NPDC1: variants seen among roughly 807,000 people sequenced by gnomAD.
NPDC1 encodes the protein neural proliferation differentiation and control protein 1.
Under a neutral mutation model 32.5 loss-of-function variants are expected in NPDC1, and 18 were observed. The ratio of observed to expected loss-of-function variants is 0.55; its 90% CI spans 0.38 to 0.82. The LOEUF is 0.82. Among genes scored for constraint, NPDC1 ranks in the 40% least tolerant of loss-of-function variants. NPDC1 has a pLI of 0.00. For missense variants in NPDC1, 468 were observed against 406.6 expected (o/e 1.15, Z -1.30); for synonymous variants, 210 against 184.7 (o/e 1.14, Z -1.11).
At chr9:137,043,308 C>G (rs983599905) in intron 1 of NPDC1, 1 of 718,700 alleles carries the variant, frequency 1.4e-6, no homozygotes, top group Admixed American at 2.0e-5. Flanking sequence ...GGGTCCACTT[C>G]CAGGCCTGAT....
At chr9:137,041,406 G>A (rs1019749362) in intron 2 of NPDC1, among the ~76,000 whole-genome samples, 32 of 152,184 alleles carry the variant, frequency 2.1e-4, no homozygotes, top group African/African-American at 7.2e-4. Context: ...GGAGGCGCTA[G>A]GGAAACGTCC....
chr9:137,046,149 C>T lies in NPDC1; in HGVS notation c.-160G>A. 1 of 1,096,774 alleles carries T rather than the reference C, an allele frequency of 9.1e-7. No individual in the cohort carries two copies. Among genetic ancestry groups the T allele is most frequent in the African/African-American group, 1.7e-5 (1 of 59,776 alleles). 67.9% of individuals were successfully genotyped at this position (1,096,774 alleles called of 1,614,324 possible). A position where few individuals can be genotyped will look rare whatever the true frequency, so the allele number is the denominator to read the frequency against. The stretch of plus-strand genomic sequence containing the variant: ...GGAGGAGGAAGAGGAAAGGCACGGG[C>T]GGCGGCGCTGACGCTGCAGCAAGGA... On this transcript the variant is annotated 5_prime_UTR_variant, in exon 1 of 9. Transcript: ENST00000371601.
chr9:137,040,769 T>G, intron 4 of NPDC1, 32 bp from the exon 5 acceptor site: 1 of 1,586,186 alleles, frequency 6.3e-7, no homozygotes, highest in Non-Finnish European at 8.5e-7. Flanking sequence ...GGCGGCCTTC[T>G]GCAGGGCGCC....
In NPDC1 at chr9:137,046,023, G is replaced by A. The variant is rs992680292; in HGVS notation, c.-34C>T. 8 of 1,183,998 alleles carry A rather than the reference G, an allele frequency of 6.8e-6. No individual in the cohort carries two copies. The highest frequency in any genetic ancestry group is 8.4e-6 in the Non-Finnish European group (8 of 956,938). The allele number at this position is 1,183,998 out of a possible 1,614,324, so 73.3% of individuals were successfully genotyped here. The stretch of plus-strand genomic sequence containing the variant: ...GCCGCCGCCGGGGCAGCATGGCACC[G>A]CGAGGCCAGGGGCTCGGCGCGGGCT... On this transcript the variant is annotated 5_prime_UTR_variant, in exon 1 of 9. Transcript: ENST00000371601.
At chr9:137,042,793 T>C in intron 2 of NPDC1, 134 bp downstream of exon 2, 1 of 1,071,460 alleles carries the variant, frequency 9.3e-7, no homozygotes, top group Non-Finnish European at 1.3e-6. Flanking sequence ...CCTGACCTCA[T>C]GAGATCCAAC....
chr9:137,043,052 C>T lies in NPDC1; in HGVS notation c.134G>A (p.Ser45Asn). The change falls in exon 2 of 9, where the codon AGC (serine) becomes AAC (asparagine). Residue 45 changes from serine to asparagine, a missense_variant. Physicochemically the swap from Ser to Asn is conservative, Grantham distance 46 (BLOSUM62 1). Transcript: ENST00000371601. ...CCGCCTCTTCAGGGCACAGTCCAGG[C>T]TCCCGGGACAGGCGGCTACATCTGG... ...GHPDVAACPG[S>N]LDCALKRRAR... 2.5e-6 allele frequency: 4 copies of T among 1,612,816 alleles called. No individual in the cohort carries two copies. Among genetic ancestry groups the T allele is most frequent in the Non-Finnish European group, 3.4e-6 (4 of 1,179,914 alleles).
rs779570336 is a variant in NPDC1, at chr9:137,039,776, G to A, written c.974C>T (p.Pro325Leu). ...GGGCGTCTGTCTGCCTCCAGGTCAT[G>A]GCAGTGCAGGCGGTGAGCTGGGGGC... ...LPAPSSPPAL[P>L] Residue 325 changes from proline to leucine, a missense_variant, in exon 9 of 9, where the codon CCA becomes CTA. Physicochemically the swap from Pro to Leu is moderately conservative, Grantham distance 98. Transcript: ENST00000371601. 7.8e-6 allele frequency: 6 copies of A among 772,438 alleles called. No homozygotes were observed. Among genetic ancestry groups the A allele is most frequent in the South Asian group, 1.3e-5 (1 of 74,446 alleles). The allele number at this position is 772,438 out of a possible 1,614,324, so 47.8% of individuals were successfully genotyped here.
chr9:137,044,463 T>A (rs1832100820), intron 1 of NPDC1, among the ~76,000 whole-genome samples: 1 of 152,204 alleles, frequency 6.6e-6, no homozygotes. Context: ...GGTACAAAGC[T>A]GGCTCTAGGG....
chr9:137,039,627 T>C lies in NPDC1; in HGVS notation c.*145A>G. ...TGGCACAAAGGTTCGGGGGTCTCCC[T>C]GGCAAGGGGTCCCAGGGCCTGGAGC... On this transcript the variant is annotated 3_prime_UTR_variant, in exon 9 of 9. Transcript: ENST00000371601. The C allele has an allele frequency of 1.7e-6, 1 of 592,314 alleles. No individual in the cohort carries two copies. The highest frequency in any genetic ancestry group is 3.0e-6 in the Non-Finnish European group (1 of 332,324). 36.7% of individuals were successfully genotyped at this position (592,314 alleles called of 1,614,324 possible).
intron 2 of NPDC1, among the ~76,000 whole-genome samples, chr9:137,041,474 A>T (rs949340138): frequency 6.6e-6 from 1 of 152,156 alleles, no homozygotes; most frequent in Non-Finnish European, 1.5e-5. Flanking sequence ...ATGTCCATAA[A>T]GGGCTGGCCA....
intron 2 of NPDC1, among the ~76,000 whole-genome samples, chr9:137,041,902 G>A (rs984011289): frequency 6.6e-6 from 1 of 152,248 alleles, no homozygotes; most frequent in Admixed American, 6.5e-5. Context: ...AGCCAGTGCT[G>A]GCACCCTTCA....
At chr9:137,041,598 G>C (rs1002752432) in intron 2 of NPDC1, among the ~76,000 whole-genome samples, 9 of 152,208 alleles carry the variant, frequency 5.9e-5, no homozygotes, top group African/African-American at 2.2e-4. Flanking sequence ...CCCCTCCCCA[G>C]GTCATTGGGA....
chr9:137,043,112 C>A (rs764637718), intron 1 of NPDC1, 39 bp from the exon 2 acceptor site: 5 of 1,603,344 alleles, frequency 3.1e-6, no homozygotes, highest in Non-Finnish European at 4.3e-6. Flanking sequence ...CTCACGGCCC[C>A]GCAGGGCTCG....
chr9:137,045,628 G>GT (rs1010274571), intron 1 of NPDC1, among the ~76,000 whole-genome samples: 8 of 152,228 alleles, frequency 5.3e-5, no homozygotes, highest in African/African-American at 1.9e-4. Flanking sequence ...AGCCATGAAT[G>GT]TAAGGTACGC....
chr9:137,041,947 T>C (rs1225802781), intron 2 of NPDC1, among the ~76,000 whole-genome samples: 1 of 152,046 alleles, frequency 6.6e-6, no homozygotes, highest in Admixed American at 6.5e-5. Context: ...CAGTGAGTGG[T>C]GGAAAAGAGC....
chr9:137,045,488 C>A (rs1832116263), intron 1 of NPDC1, among the ~76,000 whole-genome samples: 1 of 152,220 alleles, frequency 6.6e-6, no homozygotes, highest in Non-Finnish European at 1.5e-5. Context: ...CACTCAGGGC[C>A]AGCCCCACAC....
Position 137,040,349 on chromosome 9 carries a change from C to A in NPDC1, c.788+8G>T, listed in dbSNP as rs1035337989. ...GGTGGGGGTGGCAGTGCCGGGGCGG[C>A]CACTCACCGCTCCAGGCACAGCATC... On this transcript the variant is annotated splice_region_variant and intron_variant, in intron 7 of 8. Transcript: ENST00000371601. 4 of 1,539,498 alleles carry A rather than the reference C, an allele frequency of 2.6e-6. No individual in the cohort carries two copies. In the Admixed American group the frequency reaches 7.9e-5, roughly 30 times the overall value.
chr9:137,043,234 G>T, intron 1 of NPDC1, 161 bp from the exon 2 acceptor site: 2 of 830,988 alleles, frequency 2.4e-6, no homozygotes, highest in Non-Finnish European at 4.1e-6. Context: ...TGACGCCAGG[G>T]CTCAGAACCC....
At position 137,040,025 on chromosome 9, in the gene NPDC1, A is replaced by G. The variant is rs1315268424; in HGVS notation, c.831T>C (p.Asp277=). Residue 277 remains aspartate (D), a synonymous_variant, in exon 8 of 9, where the codon GAT becomes GAC. Transcript: ENST00000371601. ...TGAAGTCTCCGTCCTCATTCTCCTC[A>G]TCCGAGGAGGCCGTGTCCAGCTCCT... ...PPKELDTASS[D]EENEDGDFTV... The G allele has an allele frequency of 3.9e-6, 3 of 777,000 alleles. No individual in the cohort carries two copies. The African/African-American group carries it at 5.1e-5, about 13-fold the overall frequency. 48.1% of individuals were successfully genotyped at this position (777,000 alleles called of 1,614,324 possible). A position where few individuals can be genotyped will look rare whatever the true frequency, so the allele number is the denominator to read the frequency against.
Sources: gnomAD v4.1 joint callset for allele counts (sites outside exome capture counted in the v4.1 genomes callset) on GRCh38, gnomAD v4.1.1 for gene constraint, MANE v1.5 for transcripts, NCBI Gene and HGNC (gene_info 2026-07-23, HGNC 2026-07-21) for gene names.